The following GTF3C2 variants were observed in gnomAD, a reference collection of about 807,000 sequenced individuals.
GTF3C2 encodes the protein general transcription factor 3C polypeptide 2.
In GTF3C2, 17 loss-of-function variants were observed where a neutral mutation model predicts 117.4. The observed-to-expected ratio is 0.14, with a 90% CI of 0.10 to 0.22. GTF3C2 has a LOEUF of 0.22. GTF3C2 is among the 10% of genes least tolerant of loss of function. GTF3C2 has a pLI of 1.00. For missense variants in GTF3C2, 888 were observed against 1,143.6 expected (o/e 0.78, Z 3.22); for synonymous variants, 437 against 427.0 (o/e 1.02, Z -0.29).
intron 7 of GTF3C2, among the ~76,000 whole-genome samples, 192 bp downstream of exon 7, chr2:27,337,052 T>G (rs927612974): frequency 6.6e-6 from 1 of 152,272 alleles, no homozygotes; most frequent in East Asian, 1.9e-4. Context: ...CTCTCTAGCT[T>G]CCCTCAGCCT....
chr2:27,342,680 G>C (rs1481686807), intron 3 of GTF3C2, 146 bp downstream of exon 3: 1 of 636,290 alleles, frequency 1.6e-6, no homozygotes, highest in Non-Finnish European at 2.8e-6. Context: ...GCTGCGGTAA[G>C]AGCCTAAAGG....
chr2:27,339,383 T>C (rs2148294029), intron 4 of GTF3C2, among the ~76,000 whole-genome samples: 1 of 127,244 alleles, frequency 7.9e-6, no homozygotes, highest in East Asian at 2.3e-4. Flanking sequence ...CACTCCAGCC[T>C]GGGCAATAAG....
chr2:27,327,948 T>C, intron 17 of GTF3C2, 89 bp downstream of exon 17: 1 of 1,104,012 alleles, frequency 9.1e-7, no homozygotes, highest in Non-Finnish European at 1.3e-6. Flanking sequence ...TTTTACATCT[T>C]TGTGCTGAAC....
In GTF3C2 at chr2:27,341,997, T is replaced by G. The variant is rs775493732; in HGVS notation, c.806A>C (p.Glu269Ala). Residue 269 changes from glutamate (E) to alanine (A), a missense_variant, in exon 4 of 19, where the codon GAA becomes GCA. Around this residue, in one of 7 missense-constraint regions of GTF3C2, gnomAD observed 393 missense variants for 401.5 expected, o/e 0.98. Transcript: ENST00000264720. ...GCTTCGGGGCACTACAGGCTCAGGT[T>G]CAGATGAGCTCTCACTTGGGCCCTC... 2.0e-5 allele frequency: 33 copies of G among 1,614,032 alleles called. No individual in the cohort carries two copies. Among genetic ancestry groups the G allele is most frequent in the Non-Finnish European group, 2.7e-5 (32 of 1,180,028 alleles).
chr2:27,349,217 G>A (rs1241536584), intron 1 of GTF3C2, among the ~76,000 whole-genome samples: 11 of 142,720 alleles, frequency 7.7e-5, no homozygotes, highest in Non-Finnish European at 1.1e-4. Context: ...GCGCGATTTC[G>A]GCTCACTGCA....
chr2:27,343,512 C>T (rs758967546), exon 2 of GTF3C2: 14 of 1,613,752 alleles, frequency 8.7e-6, no homozygotes, highest in East Asian at 4.5e-5. Flanking sequence ...CCCACGGGGC[C>T]GGCCTCCCCC....
intron 4 of GTF3C2, among the ~76,000 whole-genome samples, chr2:27,341,179 G>A (rs2148301954): frequency 1.3e-5 from 2 of 152,118 alleles, no homozygotes; most frequent in Non-Finnish European, 2.9e-5. Flanking sequence ...GGGACTACAG[G>A]TGCGTGCCAC....
At chr2:27,336,995 G>C (rs758195062) in intron 7 of GTF3C2, among the ~76,000 whole-genome samples, 1 of 152,104 alleles carries the variant, frequency 6.6e-6, no homozygotes, top group Non-Finnish European at 1.5e-5. Context: ...GTCTGTCCAG[G>C]TCTATCTGAG....
exon 19 of GTF3C2, chr2:27,326,753 A>C (rs1459930329): frequency 1.2e-6 from 2 of 1,613,960 alleles, no homozygotes; most frequent in African/African-American, 2.7e-5. Context: ...GGAACATAGC[A>C]TTGAAGTGGG....
chr2:27,328,870 T>C (rs1680184276), exon 15 of GTF3C2: 1 of 1,613,136 alleles, frequency 6.2e-7, no homozygotes, highest in Non-Finnish European at 8.5e-7. Flanking sequence ...CGAGGAGCAG[T>C]GAAGTAGGCC....
At chr2:27,340,628 CT>C (rs750650113) in intron 4 of GTF3C2, 170 of 142,916 alleles carry the variant, frequency 1.2e-3, no homozygotes, top group Non-Finnish European at 1.4e-3. Flanking sequence ...CTGAAACTGT[CT>C]TTTTTTTTTT....
intron 1 of GTF3C2, among the ~76,000 whole-genome samples, chr2:27,344,646 A>C (rs1254481570): frequency 6.6e-6 from 1 of 152,244 alleles, no homozygotes; most frequent in African/African-American, 2.4e-5. Context: ...CTTAATGTTA[A>C]CATCTCTTTC....
At chr2:27,347,197 G>A (rs1483460782) in intron 1 of GTF3C2, among the ~76,000 whole-genome samples, 1 of 152,140 alleles carries the variant, frequency 6.6e-6, no homozygotes, top group Non-Finnish European at 1.5e-5. Flanking sequence ...TGACAAAGGG[G>A]CAGACATAGT....
intron 1 of GTF3C2, among the ~76,000 whole-genome samples, chr2:27,353,417 G>A (rs1681208604): frequency 6.6e-6 from 1 of 151,274 alleles, no homozygotes; most frequent in Non-Finnish European, 1.5e-5. Context: ...AACCATCTAT[G>A]GTTCAACTTA....
intron 1 of GTF3C2, among the ~76,000 whole-genome samples, chr2:27,349,168 GAC>G (rs1681032021): frequency 9.2e-6 from 1 of 109,034 alleles, no homozygotes; most frequent in Admixed American, 1.1e-4. Context: ...TTTTTTTTGA[GAC>G]AGAGTCTTGC....
At chr2:27,344,117 T>A (rs545323753) in intron 1 of GTF3C2, among the ~76,000 whole-genome samples, 1 of 151,690 alleles carries the variant, frequency 6.6e-6, no homozygotes, top group Non-Finnish European at 1.5e-5. Context: ...CTCCACCTCC[T>A]GGGTTCAAGC....
intron 1 of GTF3C2, among the ~76,000 whole-genome samples, chr2:27,354,977 G>T (rs1681279039): frequency 6.6e-6 from 1 of 152,020 alleles, no homozygotes; most frequent in African/African-American, 2.4e-5. Flanking sequence ...TCTGAACATG[G>T]AATTACTGTA....
At chr2:27,333,444 C>G (rs1322275296) in intron 12 of GTF3C2, among the ~76,000 whole-genome samples, 1 of 151,944 alleles carries the variant, frequency 6.6e-6, no homozygotes, top group Admixed American at 6.6e-5. Context: ...CGTGAGCTAC[C>G]GCGCCTGGCC....
intron 9 of GTF3C2, 84 bp downstream of exon 9, chr2:27,335,833 C>G (rs1016276583): frequency 4.5e-6 from 5 of 1,101,962 alleles, no homozygotes; most frequent in Admixed American, 1.9e-5. Flanking sequence ...CTCCAACCTT[C>G]GTTCCTTCAA....
Sources: gnomAD v4.1 joint callset for allele counts (sites outside exome capture counted in the v4.1 genomes callset) on GRCh38, gnomAD v4.1.1 for gene constraint, gnomAD v4.1.1 regional missense constraint, MANE v1.5 for transcripts, NCBI Gene and HGNC (gene_info 2026-07-23, HGNC 2026-07-21) for gene names.